CDH9: variants seen among roughly 807,000 people sequenced by gnomAD.
The protein encoded by CDH9 is cadherin-9.
In CDH9, 28 loss-of-function variants were observed where a neutral mutation model predicts 70.9. That is an observed-to-expected ratio of 0.40 (90% confidence interval 0.29 to 0.54). The LOEUF (loss-of-function observed/expected upper bound fraction) is 0.54, where lower values mean the gene tolerates loss of function less well. Ranked by LOEUF, CDH9 falls within the 20% of genes least tolerant of loss-of-function variation. The probability of loss-of-function intolerance (pLI) is 0.59; values close to 1 mark genes in which losing one functional copy is unlikely to be tolerated. For missense variants in CDH9, 874 were observed against 984.4 expected (o/e 0.89, Z 1.50); for synonymous variants, 409 against 343.1 (o/e 1.19, Z -2.12).
chr5:26,887,097 A>G (rs1740577939), intron 9 of CDH9, among the ~76,000 whole-genome samples: 1 of 152,160 alleles, frequency 6.6e-6, no homozygotes, highest in South Asian at 2.1e-4. Flanking sequence ...CTTTAATTTT[A>G]TATTAATGAT....
chr5:26,888,285 A>G (rs1174534607), intron 9 of CDH9, among the ~76,000 whole-genome samples: 1 of 152,162 alleles, frequency 6.6e-6, no homozygotes, highest in African/African-American at 2.4e-5. Flanking sequence ...ATATTTATAG[A>G]TACAATTTAA....
chr5:27,035,688 G>GTA (rs1241912692), intron 1 of CDH9, among the ~76,000 whole-genome samples: 1 of 143,502 alleles, frequency 7.0e-6, no homozygotes, highest in African/African-American at 2.9e-5. Context: ...GTGTGTGTGT[G>GTA]TGTGTGTGTG....
At position 26,880,599 on chromosome 5, in the gene CDH9, T is replaced by C. The variant is rs1026893555; in HGVS notation, c.*537A>G. 6.6e-6 allele frequency: 1 copy of C among 152,272 alleles called. No individual in the cohort carries two copies. The highest frequency in any genetic ancestry group is 2.4e-5 in the African/African-American group (1 of 41,420). The allele number at this position is 152,272 out of a possible 1,614,324, so 9.4% of individuals were successfully genotyped here. A position where few individuals can be genotyped will look rare whatever the true frequency, so the allele number is the denominator to read the frequency against. ...TCTAGGAATTAAATAAAATGAAATGTGTTTTATAAATACTAGTTTATTTCA... is the reference window on the plus strand; with the variant it reads ...TCTAGGAATTAAATAAAATGAAATGCGTTTTATAAATACTAGTTTATTTCA... On this transcript the variant is annotated 3_prime_UTR_variant, in exon 12 of 12. Transcript: ENST00000231021.
intron 2 of CDH9, among the ~76,000 whole-genome samples, chr5:26,962,779 C>T (rs1383132552): frequency 6.6e-6 from 1 of 151,990 alleles, no homozygotes; most frequent in Non-Finnish European, 1.5e-5. Context: ...TTCTAGAGTA[C>T]ATGTGTTCTG....
intron 2 of CDH9, among the ~76,000 whole-genome samples, chr5:26,937,976 C>A (rs925072411): frequency 6.6e-6 from 1 of 151,946 alleles, no homozygotes; most frequent in Non-Finnish European, 1.5e-5. Context: ...GGGAACTATG[C>A]ACTTTAGTTA....
chr5:26,930,885 T>C (rs1203219456), intron 2 of CDH9, among the ~76,000 whole-genome samples: 3 of 152,156 alleles, frequency 2.0e-5, no homozygotes, highest in Non-Finnish European at 2.9e-5. Flanking sequence ...ATGTATTTCT[T>C]TGTTTATTTT....
intron 9 of CDH9, among the ~76,000 whole-genome samples, chr5:26,887,673 G>A (rs921200423): frequency 5.9e-5 from 9 of 152,052 alleles, no homozygotes; most frequent in African/African-American, 1.2e-4. Flanking sequence ...GGCTTATTTG[G>A]ATATAGGCCG....
Position 26,954,072 on chromosome 5 carries a change from T to C in CDH9, c.228+34034A>G, listed in dbSNP as rs905511850. ...CTACCTTTCCAAACTTACCTGGTCA[T>C]TATTTCTCTGCTCGGTCATTAAACT... On this transcript the variant is annotated intron_variant, in intron 2 of 11. Transcript: ENST00000231021. Among the ~76,000 whole-genome samples, 14 of 152,312 alleles carry C rather than the reference T, an allele frequency of 9.2e-5. No homozygotes were observed. In the Middle Eastern group the frequency reaches 0.01, roughly 111 times the overall value.
chr5:27,007,000 A>AT (rs1742875277), intron 1 of CDH9, among the ~76,000 whole-genome samples: 2 of 152,114 alleles, frequency 1.3e-5, no homozygotes, highest in Non-Finnish European at 2.9e-5. Flanking sequence ...AATAATATTT[A>AT]ATCTACTGAG....
intron 1 of CDH9, among the ~76,000 whole-genome samples, chr5:27,003,488 G>A (rs1742806326): frequency 6.6e-6 from 1 of 151,928 alleles, no homozygotes; most frequent in South Asian, 2.1e-4. Context: ...GCTACCTCAA[G>A]TCCAATATCA....
intron 2 of CDH9, among the ~76,000 whole-genome samples, chr5:26,974,594 T>C (rs1454483833): frequency 1.3e-5 from 2 of 152,162 alleles, no homozygotes; most frequent in Non-Finnish European, 2.9e-5. Flanking sequence ...CTTGTCTGAA[T>C]GGATATTGAT....
At chr5:26,886,850 T>C (rs1287573018) in intron 9 of CDH9, among the ~76,000 whole-genome samples, 2 of 152,106 alleles carry the variant, frequency 1.3e-5, no homozygotes, top group Non-Finnish European at 2.9e-5. Context: ...CATTTTATAG[T>C]GGAAAAAGCA....
At chr5:27,031,701 A>G (rs1743313135) in intron 1 of CDH9, among the ~76,000 whole-genome samples, 1 of 151,880 alleles carries the variant, frequency 6.6e-6, no homozygotes, top group Non-Finnish European at 1.5e-5. Flanking sequence ...CATGCCTAAT[A>G]GGTCTGGAAG....
intron 1 of CDH9, among the ~76,000 whole-genome samples, chr5:27,014,519 T>TC (rs1743012790): frequency 6.6e-6 from 1 of 151,968 alleles, no homozygotes; most frequent in Non-Finnish European, 1.5e-5. Flanking sequence ...AATAAAGCAG[T>TC]ATAAGTTTGG....
intron 2 of CDH9, among the ~76,000 whole-genome samples, chr5:26,970,184 C>T (rs536520809): frequency 2.0e-5 from 3 of 151,112 alleles, no homozygotes; most frequent in East Asian, 1.9e-4. Flanking sequence ...TTAAAAATAC[C>T]GAATTATAAT....
intron 2 of CDH9, among the ~76,000 whole-genome samples, chr5:26,962,582 C>T (rs1303033767): frequency 6.6e-6 from 1 of 152,062 alleles, no homozygotes; most frequent in Non-Finnish European, 1.5e-5. Flanking sequence ...TGATGATGAG[C>T]ATTTTTTTGT....
intron 2 of CDH9, among the ~76,000 whole-genome samples, chr5:26,970,393 G>T (rs2115307): frequency 6.6e-6 from 1 of 151,734 alleles, no homozygotes; most frequent in Non-Finnish European, 1.5e-5. Flanking sequence ...AATCCTATTA[G>T]GTTTATCTAT....
chr5:26,953,381 G>A (rs1741887553), intron 2 of CDH9, among the ~76,000 whole-genome samples: 1 of 152,024 alleles, frequency 6.6e-6, no homozygotes, highest in Non-Finnish European at 1.5e-5. Context: ...TTTTCTCCTA[G>A]ACATTACCAT....
chr5:26,910,224 C>CTATCT (rs1554036126), intron 3 of CDH9, among the ~76,000 whole-genome samples: 1 of 149,218 alleles, frequency 6.7e-6, no homozygotes. Context: ...ATCTATCATC[C>CTATCT]ATCTATCTAT....
Sources: allele counts gnomAD v4.1 joint callset (sites outside exome capture counted in the v4.1 genomes callset), GRCh38; gene constraint gnomAD v4.1.1; transcripts MANE v1.5; gene names NCBI Gene and HGNC (gene_info 2026-07-23, HGNC 2026-07-21).